The following MYO3A variants were observed in gnomAD, a reference collection of about 807,000 sequenced individuals.
The protein encoded by MYO3A is myosin IIIA.
A neutral mutation model predicts 192.7 loss-of-function variants in MYO3A; 180 were observed. The ratio of observed to expected loss-of-function variants is 0.93; its 90% CI spans 0.83 to 1.06. The LOEUF is 1.06. Ranked by LOEUF, MYO3A falls within the 50% of genes least tolerant of loss-of-function variation. The probability of loss-of-function intolerance (pLI) is 0.00; values close to 1 mark genes in which losing one functional copy is unlikely to be tolerated. For missense variants in MYO3A, 1,896 were observed against 1,905.0 expected, an observed-to-expected ratio of 1.00 and a Z score of 0.09; for synonymous variants, 628 against 645.3, an observed-to-expected ratio of 0.97 and a Z score of 0.41.
At chr10:25,998,624 T>C (rs1840596207) in intron 6 of MYO3A, among the ~76,000 whole-genome samples, 1 of 152,140 alleles carries the variant, frequency 6.6e-6, no homozygotes, top group Admixed American at 6.5e-5. Flanking sequence ...GAAAATAATT[T>C]TGTCTACCCT....
At chr10:26,093,884 G>A (rs1314304652) in intron 15 of MYO3A, among the ~76,000 whole-genome samples, 1 of 151,944 alleles carries the variant, frequency 6.6e-6, no homozygotes, top group African/African-American at 2.4e-5. Flanking sequence ...TTTTCCCATA[G>A]CCCTTTTCTT....
At chr10:25,945,932 G>A (rs1354212420) in intron 2 of MYO3A, among the ~76,000 whole-genome samples, 1 of 152,002 alleles carries the variant, frequency 6.6e-6, no homozygotes, top group Non-Finnish European at 1.5e-5. Context: ...TGAAATTATA[G>A]CAACTTATTT....
chr10:26,157,298 T>G lies in MYO3A; in HGVS notation c.2794-12T>G, dbSNP rs781066862. On this transcript the variant is annotated splice_polypyrimidine_tract_variant and intron_variant, in intron 25 of 34. Coordinates refer to ENST00000642920, the MANE Select transcript of MYO3A (RefSeq NM_017433.5). ...GCTACATTGGGAAATTTATTTTTGT[T>G]GTGTATTATAGTATTCCCTGATGGA... The G allele has an allele frequency of 1.2e-6, 2 of 1,612,820 alleles. No homozygotes were observed. The highest frequency in any genetic ancestry group is 3.3e-5 in the Admixed American group (2 of 60,016).
At chr10:26,198,978 TAATA>T (rs1843548074) in intron 32 of MYO3A, among the ~76,000 whole-genome samples, 1 of 152,212 alleles carries the variant, frequency 6.6e-6, no homozygotes, top group Non-Finnish European at 1.5e-5. Context: ...AAAGTCCGTG[TAATA>T]AATTTCTTAT....
intron 17 of MYO3A, among the ~76,000 whole-genome samples, chr10:26,103,825 C>T (rs1309375294): frequency 6.6e-6 from 1 of 152,148 alleles, no homozygotes; most frequent in African/African-American, 2.4e-5. Flanking sequence ...CTGAAGGTTC[C>T]AATTTCTGCA....
chr10:26,083,750 T>C (rs2131479821), intron 14 of MYO3A, among the ~76,000 whole-genome samples: 1 of 152,332 alleles, frequency 6.6e-6, no homozygotes, highest in East Asian at 1.9e-4. Context: ...ATATATATGA[T>C]GTAGATTATT....
intron 4 of MYO3A, among the ~76,000 whole-genome samples, chr10:25,995,729 C>T (rs908429191): frequency 6.6e-6 from 1 of 152,222 alleles, no homozygotes; most frequent in African/African-American, 2.4e-5. Context: ...ACAGTCAGGA[C>T]CCTCAGCTGC....
At chr10:26,210,649 G>C (rs1463291115) in intron 34 of MYO3A, among the ~76,000 whole-genome samples, 1 of 152,224 alleles carries the variant, frequency 6.6e-6, no homozygotes. Context: ...TTCTCTCACT[G>C]TGAGGAGAAG....
At chr10:26,066,908 T>A in intron 10 of MYO3A, 67 bp from the exon 11 acceptor site, 1 of 1,001,560 alleles carries the variant, frequency 1.0e-6, no homozygotes, top group South Asian at 1.3e-5. Flanking sequence ...GTATCATATG[T>A]ATCTAAAACT....
intron 10 of MYO3A, among the ~76,000 whole-genome samples, chr10:26,046,866 C>T (rs975656185): frequency 6.6e-6 from 1 of 152,154 alleles, no homozygotes; most frequent in Non-Finnish European, 1.5e-5. Flanking sequence ...TAGCATCATT[C>T]AATGAAATAT....
intron 18 of MYO3A, among the ~76,000 whole-genome samples, chr10:26,123,093 A>C (rs1838975799): frequency 6.6e-6 from 1 of 152,172 alleles, no homozygotes; most frequent in Non-Finnish European, 1.5e-5. Flanking sequence ...AACACACATA[A>C]ATTTAAATGC....
chr10:26,014,966 A>G (rs866235229), intron 6 of MYO3A, among the ~76,000 whole-genome samples: 5 of 152,162 alleles, frequency 3.3e-5, no homozygotes, highest in African/African-American at 1.2e-4. Context: ...CTTGACTACA[A>G]GAATAAAGCC....
At chr10:26,193,360 T>C (rs368137332) in intron 32 of MYO3A, 49 bp downstream of exon 32, 3 of 1,429,600 alleles carry the variant, frequency 2.1e-6, no homozygotes, top group African/African-American at 2.8e-5. Flanking sequence ...CATCTACTAA[T>C]GGCCAGTGTG....
intron 4 of MYO3A, among the ~76,000 whole-genome samples, chr10:25,963,525 G>A (rs141782047): frequency 0.011 from 1,652 of 152,298 alleles, 12 homozygotes; most frequent in Non-Finnish European, 0.018. Flanking sequence ...AGCCTTTGCG[G>A]ACTTGTATAT....
At chr10:26,084,719 G>A (rs1207530430) in intron 14 of MYO3A, among the ~76,000 whole-genome samples, 1 of 152,092 alleles carries the variant, frequency 6.6e-6, no homozygotes, top group Non-Finnish European at 1.5e-5. Flanking sequence ...GCCCAGGCTG[G>A]TCTCAAACTC....
intron 18 of MYO3A, 126 bp downstream of exon 18, chr10:26,120,928 T>A: frequency 1.6e-6 from 2 of 1,227,530 alleles, no homozygotes; most frequent in Non-Finnish European, 2.3e-6. Context: ...TACTCAGATT[T>A]AATGTGTGTA....
chr10:26,104,063 GA>G (rs1205407454), intron 17 of MYO3A, among the ~76,000 whole-genome samples: 1 of 150,742 alleles, frequency 6.6e-6, no homozygotes, highest in Non-Finnish European at 1.5e-5. Context: ...TTGAGTTGTA[GA>G]AATTTTTTAT....
chr10:26,084,087 T>C (rs1382099083), intron 14 of MYO3A, among the ~76,000 whole-genome samples: 2 of 152,232 alleles, frequency 1.3e-5, no homozygotes, highest in African/African-American at 4.8e-5. Context: ...AGTAAATGCT[T>C]TTCTTTTTGT....
rs2130549869 is a variant in MYO3A, at chr10:25,952,133, C to A, written c.23C>A (p.Thr8Lys). Residue 8 changes from threonine (T) to lysine (K), a missense_variant, in exon 3 of 35, where the codon ACA becomes AAA. Thr to Lys is a moderately conservative substitution (Grantham distance 78, BLOSUM62 -1). Transcript: ENST00000642920. ...GAGATGTTTCCATTAATTGGAAAAA[C>A]AATCATCTTTGATAACTTTCCTGAT... MFPLIGK[T>K]IIFDNFPDPS... is the part of the protein sequence containing the mutation. 1 of 1,611,706 alleles carries A rather than the reference C, an allele frequency of 6.2e-7. No individual in the cohort carries two copies. The highest frequency in any genetic ancestry group is 8.5e-7 in the Non-Finnish European group (1 of 1,178,380).
Sources: allele counts gnomAD v4.1 joint callset (sites outside exome capture counted in the v4.1 genomes callset), GRCh38; gene constraint gnomAD v4.1.1; transcripts MANE v1.5; gene names NCBI Gene and HGNC (gene_info 2026-07-23, HGNC 2026-07-21).